The following CLEC12A variants were observed in gnomAD, a reference collection of about 807,000 sequenced individuals.
CLEC12A encodes C-type lectin protein CLL-1.
A neutral mutation model predicts 26.5 loss-of-function variants in CLEC12A; 22 were observed. The ratio of observed to expected loss-of-function variants is 0.83; its 90% CI spans 0.59 to 1.19. CLEC12A has a LOEUF of 1.19. Among genes scored for constraint, CLEC12A ranks in the 50% most tolerant of loss-of-function variants. CLEC12A has a pLI of 0.00. For synonymous variants in CLEC12A, 119 were observed against 101.9 expected, an observed-to-expected ratio of 1.17 and a Z score of -1.01; for missense variants, 353 against 315.6, an observed-to-expected ratio of 1.12 and a Z score of -0.90.
chr12:9,978,970 T>G lies in CLEC12A; in HGVS notation c.96T>G (p.Pro32=), dbSNP rs1864444761. Residue 32 remains proline, a synonymous_variant, in exon 2 of 6, where the codon CCT becomes CCG. Coordinates refer to ENST00000304361, the MANE Select transcript of CLEC12A (RefSeq NM_138337.6). Reference sequence around the variant, plus strand: ...TGTTAATTTTGCTTTCCACAGCACCTCCAGCTCCCTCTCATGTATGGCGTC... The same window carrying G: ...TGTTAATTTTGCTTTCCACAGCACCGCCAGCTCCCTCTCATGTATGGCGTC... ...PEIGKFGEKA[P]PAPSHVWRPA... The G allele has an allele frequency of 6.2e-7, 1 of 1,613,526 alleles. No homozygotes were observed. The highest frequency in any genetic ancestry group is 1.3e-5 in the African/African-American group (1 of 74,902).
At position 9,951,395 on chromosome 12, in the gene CLEC12A, C is replaced by T. The variant is rs113263733; in HGVS notation, c.10+39C>T. 7.4e-5 allele frequency: 52 copies of T among 702,858 alleles called. 1 individual carries two copies. The highest frequency in any genetic ancestry group is 4.2e-4 in the African/African-American group (24 of 57,368). 43.5% of individuals were successfully genotyped at this position (702,858 alleles called of 1,614,324 possible). Reference sequence around the variant, plus strand: ...GTGGATACCGACAGTGGGAATGGCTCCTCTCAATTTGAGAAATTCTGAAGG... The same window carrying T: ...GTGGATACCGACAGTGGGAATGGCTTCTCTCAATTTGAGAAATTCTGAAGG... On this transcript the variant is annotated intron_variant, in intron 1 of 6. Coordinates refer to the CLEC12A transcript ENST00000355690.
At chr12:9,953,585 TG>T (rs1188213710) in intron 1 of CLEC12A, among the ~76,000 whole-genome samples, 4 of 121,090 alleles carry the variant, frequency 3.3e-5, no homozygotes, top group South Asian at 2.7e-4. Flanking sequence ...GGGAGGGAGG[TG>T]GGGGGGTCAG....
intron 4 of CLEC12A, chr12:9,990,960 TAAA>T (rs1161757472): frequency 6.6e-6 from 1 of 152,168 alleles, no homozygotes; most frequent in African/African-American, 2.4e-5. Context: ...TTTTTAGCAA[TAAA>T]CTATTTTTAA....
At chr12:10,002,591 C>T in the CLEC12A span, among the ~76,000 whole-genome samples, 5 of 151,260 alleles carry the variant, frequency 3.3e-5, no homozygotes, top group African/African-American at 7.3e-5. Context: ...TACAGGCGCC[C>T]GCCACCACGG....
At chr12:9,986,970 G>C (rs73255655), downstream of CLEC12A, among the ~76,000 whole-genome samples, 6,480 of 152,176 alleles carry the variant, frequency 0.043, 445 homozygotes, top group African/African-American at 0.15. Context: ...TTTAAAAGAT[G>C]CTTTTTGAAT....
the CLEC12A span, among the ~76,000 whole-genome samples, chr12:10,004,922 G>T: frequency 7.2e-5 from 10 of 139,128 alleles, no homozygotes; most frequent in African/African-American, 2.5e-4. Flanking sequence ...CCACTCCCCC[G>T]ACCCCACGAC....
the CLEC12A span, among the ~76,000 whole-genome samples, chr12:10,004,780 T>TAA: frequency 2.0e-5 from 3 of 152,050 alleles, no homozygotes; most frequent in Non-Finnish European, 4.4e-5. Context: ...TATATATATA[T>TAA]AACATTTCAA....
chr12:9,959,963 A>G lies in CLEC12A; in HGVS notation c.10+8607A>G, dbSNP rs545188669. ...GAATATATTAACTAGTCTCTCCAAC[A>G]GACTTCATTTCTGTATGGACTTGCC... is the stretch of plus-strand genomic sequence containing the variant. On this transcript the variant is annotated intron_variant, in intron 1 of 6. Transcript: ENST00000355690. Among the ~76,000 whole-genome samples the G allele has an allele frequency of 7.9e-5, 12 of 152,338 alleles. No individual in the cohort carries two copies. The East Asian group carries it at 2.3e-3, about 29-fold the overall frequency.
At chr12:9,954,417 C>T (rs1863708239) in intron 1 of CLEC12A, among the ~76,000 whole-genome samples, 1 of 151,870 alleles carries the variant, frequency 6.6e-6, no homozygotes, top group Admixed American at 6.6e-5. Context: ...ATTACCTGAG[C>T]CTGGGAGGTT....
At chr12:9,988,927 A>G (rs1363564655), downstream of CLEC12A, among the ~76,000 whole-genome samples, 1 of 152,290 alleles carries the variant, frequency 6.6e-6, no homozygotes, top group East Asian at 1.9e-4. Flanking sequence ...TGTTTATTGC[A>G]GCACTATTCA....
At chr12:9,983,687 T>C in intron 5 of CLEC12A, 1 of 541,914 alleles carries the variant, frequency 1.8e-6, no homozygotes, top group Non-Finnish European at 3.3e-6. Context: ...CTCAGATCCC[T>C]GCATACTCAT....
intron 2 of CLEC12A, 100 bp from the exon 3 acceptor site, chr12:9,979,236 C>T: frequency 9.5e-7 from 1 of 1,050,240 alleles, no homozygotes. Flanking sequence ...AGAGTAATTG[C>T]TTTCCCTACC....
At chr12:9,983,389 G>C in intron 5 of CLEC12A, 1 of 572,884 alleles carries the variant, frequency 1.7e-6, no homozygotes, top group Non-Finnish European at 3.1e-6. Context: ...AGTATAATGA[G>C]GAATGTGGTT....
At chr12:9,971,779 C>T in intron 1 of CLEC12A, 92 bp downstream of exon 1, 1 of 1,015,658 alleles carries the variant, frequency 9.8e-7, no homozygotes, top group South Asian at 2.3e-5. Flanking sequence ...AGTTACTATT[C>T]AACTTAAATT....
At chr12:10,000,593 G>A (rs564844), downstream of CLEC12A, among the ~76,000 whole-genome samples, 13,365 of 152,206 alleles carry the variant, frequency 0.088, 789 homozygotes, top group South Asian at 0.32. Context: ...TTGTTGCTGT[G>A]TTTCTTATCT....
Position 9,971,619 on chromosome 12 carries a change from C to T in CLEC12A, c.23C>T (p.Ala8Val), listed in dbSNP as rs1864127309. 4 of 1,608,098 alleles carry T rather than the reference C, an allele frequency of 2.5e-6. No homozygotes were observed. Among genetic ancestry groups the T allele is most frequent in the Non-Finnish European group, 3.4e-6 (4 of 1,177,226 alleles). The change falls in exon 1 of 6, where the codon GCA (alanine) becomes GTA (valine). Residue 8 changes from alanine (A) to valine (V), a missense_variant. Transcript: ENST00000304361. The stretch of plus-strand genomic sequence containing the variant: ...TCAATGTCTGAAGAAGTTACTTATG[C>T]AGATCTTCAATTCCAGAACTCCAGT... MSEEVTY[A>V]DLQFQNSSEM...
At chr12:9,967,335 C>T (rs1178221833), upstream of CLEC12A, among the ~76,000 whole-genome samples, 1 of 151,836 alleles carries the variant, frequency 6.6e-6, no homozygotes, top group Non-Finnish European at 1.5e-5. Flanking sequence ...GACCGTTTGC[C>T]TATTTTACAA....
Position 9,985,176 on chromosome 12 carries a change from G to A in CLEC12A, c.*150G>A, listed in dbSNP as rs1180544740. The A allele has an allele frequency of 2.4e-6, 2 of 840,506 alleles. No individual in the cohort carries two copies. Among genetic ancestry groups the A allele is most frequent in the African/African-American group, 1.8e-5 (1 of 56,858 alleles). 52.1% of individuals were successfully genotyped at this position (840,506 alleles called of 1,614,324 possible). On this transcript the variant is annotated 3_prime_UTR_variant, in exon 6 of 6. Transcript: ENST00000304361. ...TGAAACATCCAGGTAGCAAGCTTCA[G>A]AGAGAATAGACTGTGAATGTTAATG...
chr12:9,997,141 T>C (rs1865072151), downstream of CLEC12A: 1 of 1,613,628 alleles, frequency 6.2e-7, no homozygotes, highest in Non-Finnish European at 8.5e-7. Context: ...GATGAAGAGG[T>C]TAAAAAAACA....
Sources: gnomAD v4.1 joint callset for allele counts (sites outside exome capture counted in the v4.1 genomes callset) on GRCh38, gnomAD v4.1.1 for gene constraint, MANE v1.5 for transcripts, NCBI Gene and HGNC (gene_info 2026-07-23, HGNC 2026-07-21) for gene names.